Variants in COL6A2 observed in about 807,000 individuals in gnomAD.
COL6A2 encodes the protein collagen type VI alpha 2 chain, also known as collagen alpha-2(VI) chain.
A neutral mutation model predicts 124.9 loss-of-function variants in COL6A2; 90 were observed. That is an observed-to-expected ratio of 0.72 (90% CI 0.61 to 0.86). The LOEUF is 0.86. Ranked by LOEUF, COL6A2 falls within the 40% of genes least tolerant of loss-of-function variation. The pLI is 0.00. For synonymous variants in COL6A2, 793 were observed against 618.2 expected (o/e 1.28, Z -4.19); for missense variants, 1,607 against 1,502.5 (o/e 1.07, Z -1.15).
chr21:46,121,688 C>A, intron 18 of COL6A2, 70 bp downstream of exon 18: 1 of 1,503,382 alleles, frequency 6.7e-7, no homozygotes, highest in Non-Finnish European at 9.2e-7. Context: ...GGACAGGGGG[C>A]CGGCCTGGGG....
chr21:46,128,908 G>A lies in COL6A2; in HGVS notation c.2461+2367G>A. 2.5e-6 allele frequency: 4 copies of A among 1,612,882 alleles called. No individual in the cohort carries two copies. The highest frequency in any genetic ancestry group is 1.7e-6 in the Non-Finnish European group (2 of 1,179,524). On this transcript the variant is annotated intron_variant, in intron 27 of 27. Transcript: ENST00000300527. ...TTGGCCTGTCTCCGGCACAGGTTTGGACGGAGCTGTTTTGTGCTGAAAGGT... is the reference window on the plus strand; with the variant it reads ...TTGGCCTGTCTCCGGCACAGGTTTGAACGGAGCTGTTTTGTGCTGAAAGGT...
intron 1 of COL6A2, among the ~76,000 whole-genome samples, chr21:46,101,874 T>TTTTTTTG (rs2078291311): frequency 1.2e-5 from 1 of 86,764 alleles, no homozygotes; most frequent in African/African-American, 4.2e-5. Flanking sequence ...TTTTTTTTTT[T>TTTTTTTG]TGGCTATTCG....
At position 46,126,181 on chromosome 21, in the gene COL6A2, TCTCCGAC is replaced by T; in HGVS notation, c.2369_2375del (p.Ser790TrpfsTer72). The T allele has an allele frequency of 1.2e-6, 2 of 1,606,774 alleles. No homozygotes were observed. Among genetic ancestry groups the T allele is most frequent in the Non-Finnish European group, 8.5e-7 (1 of 1,179,842 alleles). On this transcript the variant is annotated frameshift_variant, in exon 26 of 28. Transcript: ENST00000300527. LOFTEE classifies it high-confidence loss of function. ...CAGCAGGTGCGCAACATGACGCTGT[TCTCCGAC>T]CTGGTCGCTGAGAAGTTCATCGATG...
chr21:46,126,210 G>T lies in COL6A2; in HGVS notation c.2395G>T (p.Asp799Tyr). 1 of 1,601,598 alleles carries T rather than the reference G, an allele frequency of 6.2e-7. No homozygotes were observed. Among genetic ancestry groups the T allele is most frequent in the Non-Finnish European group, 8.5e-7 (1 of 1,179,598 alleles). ...FSDLVAEKFI[D>Y]DMEDVLCPDP... ...CGACCTGGTCGCTGAGAAGTTCATC[G>T]ATGACATGGAGGACGTCCTCTGCCC... The change falls in exon 26 of 28, where the codon GAT becomes TAT. Residue 799 changes from aspartate to tyrosine, a missense_variant. By Grantham distance (160) the Asp-to-Tyr change is radical. Around this residue, in one of 3 missense-constraint regions of COL6A2, gnomAD observed 1,223 missense variants for 1,052.2 expected, o/e 1.16. Transcript: ENST00000300527.
intron 21 of COL6A2, among the ~76,000 whole-genome samples, chr21:46,124,381 C>G (rs2078626562): frequency 6.6e-6 from 1 of 152,116 alleles, no homozygotes; most frequent in African/African-American, 2.4e-5. Flanking sequence ...TTGGAATGAG[C>G]TGTTTTGGCT....
rs1037952562 is a variant in COL6A2, at chr21:46,116,158, C to A, written c.900+105C>A. On this transcript the variant is annotated intron_variant, in intron 7 of 27. Transcript: ENST00000300527. This position sits in a 1 kb window ranked among gnomAD's most constrained non-coding sequence, Gnocchi z 4.6. The stretch of plus-strand genomic sequence containing the variant: ...GCCTCAGCCTCTACGACCCTCCCCC[C>A]AGTTACCAAGGAACAGAAGCACCTC... 3.1e-6 allele frequency: 4 copies of A among 1,285,954 alleles called. No individual in the cohort carries two copies. In the African/African-American group the frequency reaches 4.4e-5, roughly 14 times the overall value. 79.7% of individuals were successfully genotyped at this position (1,285,954 alleles called of 1,614,324 possible).
At position 46,132,198 on chromosome 21, in the gene COL6A2, C is replaced by T. The variant is rs761375235; in HGVS notation, c.2706C>T (p.His902=). The T allele has an allele frequency of 9.5e-6, 15 of 1,580,098 alleles. No individual in the cohort carries two copies. Among genetic ancestry groups the T allele is most frequent in the Admixed American group, 1.8e-5 (1 of 55,088 alleles). ...TGAGCCACAACCTCACGGCCATCCACGAGGCGCTGGAGACCACACAATACC... is the reference window on the plus strand; with the variant it reads ...TGAGCCACAACCTCACGGCCATCCATGAGGCGCTGGAGACCACACAATACC... ...FPLSHNLTAI[H]EALETTQYLN... Residue 902 remains histidine, a synonymous_variant, in exon 28 of 28, where the codon CAC becomes CAT. Transcript: ENST00000300527.
In COL6A2 at chr21:46,125,311, G is replaced by A. The variant is rs747602311; in HGVS notation, c.1816G>A (p.Asp606Asn). Residue 606 changes from aspartate to asparagine, a missense_variant and splice_region_variant, in exon 24 of 28, where the codon GAC becomes AAC. Around this residue, in one of 3 missense-constraint regions of COL6A2, gnomAD observed 1,223 missense variants for 1,052.2 expected, o/e 1.16. Transcript: ENST00000300527. ...TYVRETCGCCDCEKRCGALDV... is the reference protein window; with the variant it reads ...TYVRETCGCCNCEKRCGALDV... ...CGTGAGGGAGACCTGCGGGTGCTGC[G>A]GTGAGGCACTGCCCACGGCAGGGTC... 9.3e-6 allele frequency: 15 copies of A among 1,610,716 alleles called. No homozygotes were observed. Among genetic ancestry groups the A allele is most frequent in the South Asian group, 5.5e-5 (5 of 90,768 alleles).
chr21:46,110,278 GGCTGCC>G (rs1178776339), intron 1 of COL6A2, among the ~76,000 whole-genome samples: 7 of 152,184 alleles, frequency 4.6e-5, no homozygotes, highest in African/African-American at 1.7e-4. Context: ...ACACCAGATG[GGCTGCC>G]GCTGCCATCA....
intron 27 of COL6A2, among the ~76,000 whole-genome samples, chr21:46,127,691 A>G (rs17292141): frequency 0.057 from 8,717 of 151,606 alleles, 325 homozygotes; most frequent in Middle Eastern, 0.11. Context: ...GATGGGCGAC[A>G]TGGCGATGGT....
Position 46,125,971 on chromosome 21 carries a change from G to A in COL6A2, c.2156G>A (p.Arg719Gln), listed in dbSNP as rs529033171. 35 of 1,613,124 alleles carry A rather than the reference G, an allele frequency of 2.2e-5. No homozygotes were observed. The highest frequency in any genetic ancestry group is 1.6e-4 in the Middle Eastern group (1 of 6,062). ...FAYDRLIKESRRQKTRVFAVV... is the reference protein window; with the variant it reads ...FAYDRLIKESQRQKTRVFAVV... Reference sequence around the variant, plus strand: ...TACGACCGCCTCATCAAGGAGAGCCGGCGCCAGAAGACACGTGTGTTTGCG... The same window carrying A: ...TACGACCGCCTCATCAAGGAGAGCCAGCGCCAGAAGACACGTGTGTTTGCG... Residue 719 changes from arginine to glutamine, a missense_variant, in exon 26 of 28, where the codon CGG becomes CAG. Arg to Gln is a conservative substitution (Grantham distance 43). Around this residue, in one of 3 missense-constraint regions of COL6A2, gnomAD observed 1,223 missense variants for 1,052.2 expected, o/e 1.16. Coordinates refer to ENST00000300527, the MANE Select transcript of COL6A2 (RefSeq NM_001849.4).
chr21:46,107,256 A>AT (rs1414636557), intron 1 of COL6A2, among the ~76,000 whole-genome samples: 4 of 151,992 alleles, frequency 2.6e-5, no homozygotes, highest in Non-Finnish European at 2.9e-5. Context: ...CTAAGCTCTG[A>AT]TTTTTTTATC....
intron 1 of COL6A2, among the ~76,000 whole-genome samples, chr21:46,109,012 G>A (rs183054971): frequency 1.6e-4 from 25 of 152,220 alleles, no homozygotes; most frequent in South Asian, 1.0e-3. Context: ...TCTTGTCGGC[G>A]GGTTGTCTTG....
chr21:46,120,615 A>G (rs2078549365), intron 16 of COL6A2, 38 bp downstream of exon 16: 2 of 1,438,708 alleles, frequency 1.4e-6, no homozygotes, highest in Non-Finnish European at 9.2e-7. Context: ...AAGGTAGGGG[A>G]TCTGAGGGGG....
At chr21:46,130,644 A>G (rs944753923) in intron 27 of COL6A2, among the ~76,000 whole-genome samples, 5 of 152,170 alleles carry the variant, frequency 3.3e-5, no homozygotes, top group African/African-American at 7.2e-5. Context: ...CCCCACAGAC[A>G]CTGATGAATG....
intron 17 of COL6A2, 24 bp downstream of exon 17, chr21:46,121,147 G>A: frequency 6.2e-7 from 1 of 1,611,530 alleles, no homozygotes; most frequent in South Asian, 1.1e-5. Context: ...CAGGAGGCCG[G>A]TGCCCTCTGA....
At chr21:46,111,881 A>G (rs2078403735) in intron 2 of COL6A2, 98 bp from the exon 3 acceptor site, 2 of 1,294,100 alleles carry the variant, frequency 1.5e-6, no homozygotes, top group Non-Finnish European at 2.2e-6. Flanking sequence ...ATTCGGGGGC[A>G]GTGAGGTCAA....
In COL6A2 at chr21:46,121,987, G is replaced by C. The variant is rs960601369; in HGVS notation, c.1522-121G>C. 3 of 1,048,392 alleles carry C rather than the reference G, an allele frequency of 2.9e-6. No homozygotes were observed. The African/African-American group carries it at 4.7e-5, about 16-fold the overall frequency. 64.9% of individuals were successfully genotyped at this position (1,048,392 alleles called of 1,614,324 possible). ...CCTGCCAGGCCTCTGCTCACAGCCA[G>C]AACTCGACGGCACCCCTAGCCCACT... On this transcript the variant is annotated intron_variant, in intron 18 of 27. Transcript: ENST00000300527.
At chr21:46,126,358 T>C in intron 26 of COL6A2, 121 bp downstream of exon 26, 5 of 1,502,298 alleles carry the variant, frequency 3.3e-6, no homozygotes, top group Non-Finnish European at 4.6e-6. Flanking sequence ...TCTTGGGCTG[T>C]GGGTGGGAAG....
Sources: allele counts gnomAD v4.1 joint callset (sites outside exome capture counted in the v4.1 genomes callset), GRCh38; gene constraint gnomAD v4.1.1; regional missense constraint gnomAD v4.1.1; non-coding constraint Gnocchi (gnomAD v3.1); transcripts MANE v1.5; gene names NCBI Gene and HGNC (gene_info 2026-07-23, HGNC 2026-07-21).